NTM: variants seen among roughly 807,000 people sequenced by gnomAD.
NTM encodes neurotrimin.
In NTM, 13 loss-of-function variants were observed where a neutral mutation model predicts 42.1. The observed-to-expected ratio is 0.31, with a 90% CI of 0.20 to 0.49. The LOEUF is 0.49. NTM is among the 20% of genes least tolerant of loss of function. The pLI, the probability that NTM is intolerant of heterozygous loss-of-function variation, is 0.99. For synonymous variants in NTM, 187 were observed against 179.2 expected (o/e 1.04, Z -0.35); for missense variants, 373 against 452.8 (o/e 0.82, Z 1.60).
intron 1 of NTM, among the ~76,000 whole-genome samples, chr11:131,459,689 G>T (rs948805691): frequency 3.3e-5 from 5 of 152,148 alleles, no homozygotes; most frequent in African/African-American, 1.2e-4. Flanking sequence ...CTGGGTGGTG[G>T]GTGAATTTGT....
intron 1 of NTM, among the ~76,000 whole-genome samples, chr11:131,786,267 A>G (rs1025706894): frequency 2.5e-4 from 38 of 152,330 alleles, no homozygotes; most frequent in Non-Finnish European, 4.0e-4. Context: ...TGGAATATCT[A>G]TCTTTAGACA....
chr11:132,088,610 G>A (rs1293922397), intron 2 of NTM, among the ~76,000 whole-genome samples: 3 of 152,200 alleles, frequency 2.0e-5, no homozygotes, highest in Non-Finnish European at 2.9e-5. Flanking sequence ...CCCAGCATAA[G>A]GCACACATTC....
intron 2 of NTM, among the ~76,000 whole-genome samples, chr11:132,052,757 G>A (rs542216): frequency 0.71 from 108,146 of 151,704 alleles, 38,880 homozygotes; most frequent in East Asian, 0.96. Context: ...CTTCACAAAC[G>A]TATTTTCCAG....
intron 4 of NTM, among the ~76,000 whole-genome samples, chr11:132,258,852 C>T (rs183261549): frequency 1.3e-5 from 2 of 152,330 alleles, no homozygotes; most frequent in East Asian, 3.9e-4. Context: ...AAGATAGTGA[C>T]AGACATCCTT....
chr11:132,254,350 C>T (rs967568867), intron 4 of NTM, among the ~76,000 whole-genome samples: 3 of 151,984 alleles, frequency 2.0e-5, no homozygotes, highest in Non-Finnish European at 4.4e-5. Flanking sequence ...TCCTCTCTTC[C>T]TTTTGTCTTT....
intron 1 of NTM, among the ~76,000 whole-genome samples, chr11:131,733,871 A>G (rs1349251344): frequency 1.3e-5 from 2 of 152,194 alleles, no homozygotes; most frequent in Admixed American, 6.5e-5. Flanking sequence ...ATAATAATCT[A>G]TCATATGGAT....
chr11:131,569,963 G>A (rs1592083034), intron 1 of NTM, among the ~76,000 whole-genome samples: 1 of 152,204 alleles, frequency 6.6e-6, no homozygotes, highest in East Asian at 1.9e-4. Context: ...CCTCAGAAAT[G>A]TCACTTTAGA....
intron 3 of NTM, among the ~76,000 whole-genome samples, chr11:132,161,328 C>T (rs1451596840): frequency 6.6e-6 from 1 of 150,736 alleles, no homozygotes; most frequent in Non-Finnish European, 1.5e-5. Context: ...CTATTTTCCA[C>T]CTAGCTCTTG....
intron 2 of NTM, among the ~76,000 whole-genome samples, chr11:132,129,639 G>A (rs1267417720): frequency 6.6e-6 from 1 of 152,202 alleles, no homozygotes; most frequent in Non-Finnish European, 1.5e-5. Context: ...CAAAGTCATG[G>A]AAGGGAAGAC....
chr11:132,271,741 T>G (rs1333440214), intron 4 of NTM, among the ~76,000 whole-genome samples: 1 of 87,914 alleles, frequency 1.1e-5, no homozygotes, highest in East Asian at 1.6e-3. Context: ...TTGGGTTGTC[T>G]TTTTTTTTTT....
At chr11:132,287,716 G>A (rs2094299626) in intron 4 of NTM, among the ~76,000 whole-genome samples, 1 of 152,146 alleles carries the variant, frequency 6.6e-6, no homozygotes. Context: ...CCAGATCTAA[G>A]GATTCTGATA....
intron 4 of NTM, among the ~76,000 whole-genome samples, chr11:132,261,862 C>T (rs962932796): frequency 6.6e-5 from 10 of 152,284 alleles, no homozygotes; most frequent in Middle Eastern, 3.4e-3. Flanking sequence ...AAACTTTGCA[C>T]GAAGTTTAAA....
intron 1 of NTM, among the ~76,000 whole-genome samples, chr11:131,411,542 T>C (rs1946417273): frequency 2.2e-4 from 2 of 9,256 alleles, no homozygotes; most frequent in Non-Finnish European, 6.2e-4. Context: ...GGGGGGGCCG[T>C]GTGTGTGTGT....
At chr11:131,624,396 T>C (rs1210987215) in intron 1 of NTM, among the ~76,000 whole-genome samples, 1 of 152,190 alleles carries the variant, frequency 6.6e-6, no homozygotes, top group Non-Finnish European at 1.5e-5. Flanking sequence ...GGCACAGCAC[T>C]ATCTACTGCA....
intron 1 of NTM, among the ~76,000 whole-genome samples, chr11:131,514,493 A>T (rs528201494): frequency 1.2e-4 from 18 of 152,192 alleles, no homozygotes; most frequent in Admixed American, 2.6e-4. Context: ...AATCTTTAGG[A>T]AGGTGGAATT....
At chr11:131,589,734 A>T (rs954281325) in intron 1 of NTM, among the ~76,000 whole-genome samples, 8 of 152,148 alleles carry the variant, frequency 5.3e-5, no homozygotes, top group Non-Finnish European at 1.0e-4. Context: ...ATGCGCACAC[A>T]CATGTGACAC....
At chr11:132,208,387 A>T (rs931667098) in intron 3 of NTM, among the ~76,000 whole-genome samples, 10 of 152,204 alleles carry the variant, frequency 6.6e-5, no homozygotes, top group African/African-American at 2.4e-4. Context: ...GCCATGAATG[A>T]TCTGTCTTTC....
chr11:131,467,387 G>A (rs562117283), intron 1 of NTM, among the ~76,000 whole-genome samples: 6 of 152,318 alleles, frequency 3.9e-5, no homozygotes, highest in Admixed American at 2.0e-4. Flanking sequence ...CCTCCCACCA[G>A]GAGGGCTCTG....
chr11:131,822,558 T>C (rs1342222660), intron 1 of NTM, among the ~76,000 whole-genome samples: 2 of 152,182 alleles, frequency 1.3e-5, no homozygotes. Flanking sequence ...GTAAAACAAA[T>C]ACCAGCCCCT....
Sources: gnomAD v4.1 joint callset for allele counts (sites outside exome capture counted in the v4.1 genomes callset) on GRCh38, gnomAD v4.1.1 for gene constraint, MANE v1.5 for transcripts, NCBI Gene and HGNC (gene_info 2026-07-23, HGNC 2026-07-21) for gene names.